Variants in PCDHA3 observed in about 807,000 individuals in gnomAD.
PCDHA3 encodes protocadherin alpha-3.
Under a neutral mutation model 62.2 loss-of-function variants are expected in PCDHA3, and 41 were observed. That is an observed-to-expected ratio of 0.66 (90% confidence interval 0.51 to 0.86). PCDHA3 has a LOEUF of 0.86. PCDHA3 is among the 40% of genes least tolerant of loss of function. PCDHA3 has a pLI of 0.00. For synonymous variants in PCDHA3, 640 were observed against 555.4 expected (o/e 1.15, Z -2.14); for missense variants, 1,304 against 1,241.2 (o/e 1.05, Z -0.76).
chr5:140,982,544 A>G lies in PCDHA3; in HGVS notation c.2523A>G (p.Thr841=), dbSNP rs781800144. 1.5e-5 allele frequency: 25 copies of G among 1,614,098 alleles called. No individual in the cohort carries two copies. Among genetic ancestry groups the G allele is most frequent in the Non-Finnish European group, 2.1e-5 (25 of 1,180,048 alleles). Residue 841 remains threonine (T), a synonymous_variant, in exon 3 of 4, where the codon ACA becomes ACG. Coordinates refer to ENST00000522353, the MANE Select transcript of PCDHA3 (RefSeq NM_018906.3). ...GAGGGCCTGATCAGCAGTGGCCAAC[A>G]GTATCCAGTGCAACACCAGGTAAAG... The part of the protein sequence containing the change: ...GPGGPDQQWP[T]VSSATPEPEA...
chr5:140,897,227 C>T (rs1554187259), intron 1 of PCDHA3, among the ~76,000 whole-genome samples: 1 of 152,036 alleles, frequency 6.6e-6, no homozygotes, highest in Non-Finnish European at 1.5e-5. Flanking sequence ...TACATGTGCA[C>T]AATGTGCAGG....
In PCDHA3 at chr5:140,875,735, C is replaced by A. The variant is rs376701509; in HGVS notation, c.2394+72144C>A. The stretch of plus-strand genomic sequence containing the variant: ...CAGAATGGCATTTTGTTTGTGAATT[C>A]TCGGATCGACCGCGAGAAGCTGTGC... On this transcript the variant is annotated intron_variant, in intron 1 of 3. Coordinates refer to ENST00000522353, the MANE Select transcript of PCDHA3 (RefSeq NM_018906.3). 16 of 1,614,114 alleles carry A rather than the reference C, an allele frequency of 9.9e-6. No homozygotes were observed. In the Middle Eastern group the frequency reaches 4.9e-4, roughly 50 times the overall value.
chr5:140,856,648 T>G (rs2044130273), intron 1 of PCDHA3: 1 of 1,598,174 alleles, frequency 6.3e-7, no homozygotes, highest in African/African-American at 1.3e-5. Flanking sequence ...AGCTGCTGGA[T>G]CGTGAAGAAA....
At chr5:140,815,021 G>A (rs2126660936) in intron 1 of PCDHA3, 1 of 151,964 alleles carries the variant, frequency 6.6e-6, no homozygotes, top group East Asian at 1.9e-4. Context: ...CACTCTTTTG[G>A]TTACAATTTG....
intron 1 of PCDHA3, chr5:140,829,824 G>A: frequency 6.2e-7 from 1 of 1,613,914 alleles, no homozygotes; most frequent in East Asian, 2.2e-5. Context: ...GGTGCAGTGA[G>A]CGAGCTGGTG....
chr5:140,889,923 C>T (rs1225073810), intron 1 of PCDHA3, among the ~76,000 whole-genome samples: 1 of 152,184 alleles, frequency 6.6e-6, no homozygotes, highest in African/African-American at 2.4e-5. Flanking sequence ...TGTAAAGAAG[C>T]TCAAGCTGGA....
intron 1 of PCDHA3, among the ~76,000 whole-genome samples, chr5:140,912,582 T>C (rs2075986919): frequency 6.6e-6 from 1 of 152,214 alleles, no homozygotes. Context: ...TTTTCCAATT[T>C]GGATGCCCTT....
intron 1 of PCDHA3, chr5:140,882,225 C>A (rs782533520): frequency 1.5e-5 from 23 of 1,559,462 alleles, no homozygotes; most frequent in Non-Finnish European, 1.8e-5. Flanking sequence ...TGAGGTAAGG[C>A]GTTGTATATA....
chr5:140,985,416 G>A (rs1554247041), intron 3 of PCDHA3, among the ~76,000 whole-genome samples: 1 of 152,142 alleles, frequency 6.6e-6, no homozygotes, highest in Non-Finnish European at 1.5e-5. Flanking sequence ...GAAATGGAGT[G>A]AGGAGGATTT....
chr5:141,004,604 C>A (rs1282201587), intron 3 of PCDHA3, among the ~76,000 whole-genome samples: 1 of 152,176 alleles, frequency 6.6e-6, no homozygotes, highest in African/African-American at 2.4e-5. Context: ...GTGCTTAGGC[C>A]TCATGCAGAG....
intron 1 of PCDHA3, chr5:140,824,778 C>A (rs189409181): frequency 7.3e-4 from 111 of 151,842 alleles, no homozygotes; most frequent in African/African-American, 2.6e-3. Flanking sequence ...TGTTTTAACA[C>A]CACCCTTCCA....
At chr5:140,964,783 A>C (rs2095854085) in intron 1 of PCDHA3, among the ~76,000 whole-genome samples, 1 of 152,018 alleles carries the variant, frequency 6.6e-6, no homozygotes, top group East Asian at 1.9e-4. Context: ...AAGAGGAAGA[A>C]GCCAGAGACC....
chr5:140,863,195 C>T (rs782227810), intron 1 of PCDHA3: 17 of 864,950 alleles, frequency 2.0e-5, no homozygotes, highest in Admixed American at 3.7e-5. Context: ...GTGGTGGCGT[C>T]GCTGGCGGAG....
intron 1 of PCDHA3, among the ~76,000 whole-genome samples, chr5:140,840,240 T>A (rs1483870006): frequency 1.3e-5 from 2 of 152,050 alleles, no homozygotes; most frequent in Non-Finnish European, 2.9e-5. Context: ...GGAGAATCAC[T>A]ATGCTATAAA....
chr5:140,900,912 A>AGAT (rs553485999), intron 1 of PCDHA3, among the ~76,000 whole-genome samples: 1 of 152,198 alleles, frequency 6.6e-6, no homozygotes, highest in Non-Finnish European at 1.5e-5. Context: ...AACTGTGGTA[A>AGAT]GATGATATCT....
intron 1 of PCDHA3, among the ~76,000 whole-genome samples, chr5:140,975,683 G>A (rs1226769029): frequency 2.0e-5 from 3 of 151,934 alleles, no homozygotes; most frequent in Non-Finnish European, 2.9e-5. Context: ...AATAAAATAG[G>A]GTATTTTAAA....
At chr5:140,838,717 C>T (rs1775851358) in intron 1 of PCDHA3, among the ~76,000 whole-genome samples, 1 of 151,954 alleles carries the variant, frequency 6.6e-6, no homozygotes, top group Admixed American at 6.6e-5. Context: ...AGGAGGATTG[C>T]TTCAGTCTAG....
chr5:140,907,525 G>A (rs1016477325), intron 1 of PCDHA3, among the ~76,000 whole-genome samples: 3 of 152,196 alleles, frequency 2.0e-5, no homozygotes, highest in African/African-American at 4.8e-5. Flanking sequence ...AGGACAAATC[G>A]CTGCCCTTTC....
At chr5:140,909,215 AC>A (rs1554193695) in intron 1 of PCDHA3, among the ~76,000 whole-genome samples, 1 of 152,160 alleles carries the variant, frequency 6.6e-6, no homozygotes, top group African/African-American at 2.4e-5. Flanking sequence ...GAGTTGATAT[AC>A]CCCTGAGGTA....
Sources: gnomAD v4.1 joint callset for allele counts (sites outside exome capture counted in the v4.1 genomes callset) on GRCh38, gnomAD v4.1.1 for gene constraint, MANE v1.5 for transcripts, NCBI Gene and HGNC (gene_info 2026-07-23, HGNC 2026-07-21) for gene names.